Variants in MYRIP observed in about 807,000 individuals in gnomAD.
MYRIP encodes the protein rab effector MyRIP.
In MYRIP, 49 loss-of-function variants were observed where a neutral mutation model predicts 98.0. The ratio of observed to expected loss-of-function variants is 0.50; its 90% CI spans 0.40 to 0.63. MYRIP has a LOEUF of 0.63. Ranked by LOEUF, MYRIP falls within the 30% of genes least tolerant of loss-of-function variation. The pLI, the probability that MYRIP is intolerant of heterozygous loss-of-function variation, is 0.00. For synonymous variants in MYRIP, 404 were observed against 409.5 expected (o/e 0.99, Z 0.16); for missense variants, 1,004 against 1,058.2 (o/e 0.95, Z 0.71).
intron 3 of MYRIP, among the ~76,000 whole-genome samples, chr3:40,101,265 T>C (rs994507128): frequency 1.3e-5 from 2 of 152,210 alleles, no homozygotes; most frequent in African/African-American, 4.8e-5. Flanking sequence ...ATTATAATCA[T>C]AAAAAGCAGC....
intron 2 of MYRIP, among the ~76,000 whole-genome samples, chr3:39,975,678 A>G (rs925862602): frequency 3.7e-4 from 57 of 152,304 alleles, no homozygotes; most frequent in African/African-American, 1.3e-3. Context: ...CCAAAACAGC[A>G]TGGTACTGGT....
At chr3:39,928,249 G>A (rs1231102112) in intron 2 of MYRIP, among the ~76,000 whole-genome samples, 3 of 151,466 alleles carry the variant, frequency 2.0e-5, no homozygotes, top group African/African-American at 7.3e-5. Flanking sequence ...TAACAAATGG[G>A]TAAAGAAGAA....
At chr3:39,829,321 T>C (rs1405632298) in intron 1 of MYRIP, among the ~76,000 whole-genome samples, 5 of 152,254 alleles carry the variant, frequency 3.3e-5, no homozygotes, top group African/African-American at 4.8e-5. Flanking sequence ...CTTAGGTTGA[T>C]GCCTACACAT....
chr3:39,938,712 C>T (rs890632073), intron 2 of MYRIP, among the ~76,000 whole-genome samples: 1 of 152,082 alleles, frequency 6.6e-6, no homozygotes, highest in African/African-American at 2.4e-5. Flanking sequence ...CACTATGTTG[C>T]CCAGGCTGGT....
chr3:39,998,960 A>C (rs1218478786), intron 2 of MYRIP, among the ~76,000 whole-genome samples: 2 of 152,240 alleles, frequency 1.3e-5, no homozygotes, highest in South Asian at 2.1e-4. Flanking sequence ...GGGCTGGGAA[A>C]ACTGGCTAGC....
intron 1 of MYRIP, among the ~76,000 whole-genome samples, chr3:39,876,782 CTTCAT>C (rs1175829901): frequency 6.6e-6 from 1 of 152,166 alleles, no homozygotes; most frequent in East Asian, 1.9e-4. Flanking sequence ...ACATTTTTTC[CTTCAT>C]TTCAACTTTG....
chr3:40,176,908 CAAAAAAA>C (rs143992737), intron 8 of MYRIP, among the ~76,000 whole-genome samples: 5 of 109,164 alleles, frequency 4.6e-5, no homozygotes, highest in African/African-American at 1.6e-4. Context: ...AACTCCATCT[CAAAAAAA>C]AAAAAAAAAA....
chr3:39,824,905 A>G (rs1941219129), intron 1 of MYRIP, among the ~76,000 whole-genome samples: 1 of 152,060 alleles, frequency 6.6e-6, no homozygotes, highest in Non-Finnish European at 1.5e-5. Context: ...TTATATAGAG[A>G]CAAGGTCCAA....
chr3:40,150,071 C>A (rs76569297), intron 3 of MYRIP, among the ~76,000 whole-genome samples: 12,302 of 151,836 alleles, frequency 0.081, 1,024 homozygotes, highest in African/African-American at 0.2. Context: ...AGAGAAGAAT[C>A]TTGTCTTTCT....
At chr3:39,875,660 T>A (rs372698703) in intron 1 of MYRIP, among the ~76,000 whole-genome samples, 2 of 151,204 alleles carry the variant, frequency 1.3e-5, no homozygotes, top group African/African-American at 4.9e-5. Context: ...TTTGAGTGAG[T>A]TTCTTAATCC....
intron 1 of MYRIP, among the ~76,000 whole-genome samples, chr3:39,871,846 T>C (rs1165403052): frequency 6.6e-6 from 1 of 152,030 alleles, no homozygotes; most frequent in Non-Finnish European, 1.5e-5. Flanking sequence ...GTTATTAGCA[T>C]GAAGAGAATA....
intron 1 of MYRIP, among the ~76,000 whole-genome samples, chr3:39,885,634 C>A (rs1490373030): frequency 1.3e-5 from 2 of 152,070 alleles, no homozygotes; most frequent in Admixed American, 6.6e-5. Flanking sequence ...TCAGGTACAC[C>A]AATCAGACAT....
At chr3:40,210,921 G>A (rs923535405) in intron 11 of MYRIP, among the ~76,000 whole-genome samples, 2 of 152,182 alleles carry the variant, frequency 1.3e-5, no homozygotes, top group African/African-American at 4.8e-5. Context: ...TGCCACTTTA[G>A]AGTCAGAATA....
At position 40,209,985 on chromosome 3, in the gene MYRIP, T is replaced by A. The variant is rs1951877924; in HGVS notation, c.1797T>A (p.Thr599=). 6.2e-7 allele frequency: 1 copy of A among 1,614,094 alleles called. No homozygotes were observed. The highest frequency in any genetic ancestry group is 8.5e-7 in the Non-Finnish European group (1 of 1,179,968). The change falls in exon 11 of 17, where the codon ACT becomes ACA. Residue 599 remains threonine (T), a synonymous_variant. Coordinates refer to ENST00000302541, the MANE Select transcript of MYRIP (RefSeq NM_015460.4). ...CAATGAAAATGAGTGAAAAGGAGAC[T>A]TCTTCAGGGGAGGATCAGGAGTCTG... ...ELAMKMSEKE[T]SSGEDQESEP... is the part of the protein sequence containing the mutation.
At chr3:39,812,122 C>A (rs1170802412) in intron 1 of MYRIP, among the ~76,000 whole-genome samples, 4 of 152,136 alleles carry the variant, frequency 2.6e-5, no homozygotes, top group Non-Finnish European at 5.9e-5. Context: ...AGTGGATTGT[C>A]ACAACTGAGC....
intron 2 of MYRIP, among the ~76,000 whole-genome samples, chr3:39,925,258 C>G (rs1944397197): frequency 6.6e-6 from 1 of 152,056 alleles, no homozygotes; most frequent in Admixed American, 6.6e-5. Context: ...ACCGAGGACA[C>G]AGACAATATC....
At chr3:40,086,614 T>C (rs1948632608) in intron 3 of MYRIP, among the ~76,000 whole-genome samples, 1 of 152,210 alleles carries the variant, frequency 6.6e-6, no homozygotes, top group Non-Finnish European at 1.5e-5. Context: ...TCAGGACCTC[T>C]GGTGTTGCAG....
chr3:40,101,862 G>A (rs927859601), intron 3 of MYRIP, among the ~76,000 whole-genome samples: 8 of 152,144 alleles, frequency 5.3e-5, no homozygotes, highest in Non-Finnish European at 1.0e-4. Flanking sequence ...CATGACCCAG[G>A]ACTGGCAGTT....
Position 40,189,951 on chromosome 3 carries a change from A to G in MYRIP, c.1153A>G (p.Ser385Gly), listed in dbSNP as rs1400513347. Residue 385 changes from serine to glycine, a missense_variant, in exon 10 of 17, where the codon AGT becomes GGT. By Grantham distance (56) the Ser-to-Gly change is moderately conservative. Around this residue, in one of 3 missense-constraint regions of MYRIP, gnomAD observed 880 missense variants for 907.7 expected, o/e 0.97. Coordinates refer to ENST00000302541, the MANE Select transcript of MYRIP (RefSeq NM_015460.4). ...GTTTCAGGCCCTGGAGGTGGCCTCC[A>G]GTGTGGCATCTGCCTACGATGAGAT... ...GTFQALEVAS[S>G]VASAYDEMGS... The G allele has an allele frequency of 1.9e-6, 3 of 1,613,982 alleles. No homozygotes were observed. The highest frequency in any genetic ancestry group is 1.3e-5 in the African/African-American group (1 of 74,898).
Sources: allele counts gnomAD v4.1 joint callset (sites outside exome capture counted in the v4.1 genomes callset), GRCh38; gene constraint gnomAD v4.1.1; regional missense constraint gnomAD v4.1.1; transcripts MANE v1.5; gene names NCBI Gene and HGNC (gene_info 2026-07-23, HGNC 2026-07-21).